ZC3HAV1L: variants seen among roughly 807,000 people sequenced by gnomAD.
The protein encoded by ZC3HAV1L is zinc finger CCCH-type antiviral protein 1-like.
A neutral mutation model predicts 28.2 loss-of-function variants in ZC3HAV1L; 23 were observed. The ratio of observed to expected loss-of-function variants is 0.82; its 90% CI spans 0.59 to 1.16. ZC3HAV1L has a LOEUF of 1.16. Ranked by LOEUF, ZC3HAV1L falls within the 50% of genes most tolerant of loss-of-function variation. ZC3HAV1L has a pLI of 0.00. For synonymous variants in ZC3HAV1L, 180 were observed against 163.4 expected, an observed-to-expected ratio of 1.10 and a Z score of -0.78; for missense variants, 376 against 387.7, an observed-to-expected ratio of 0.97 and a Z score of 0.25.
chr7:139,033,827 C>T, intron 2 of ZC3HAV1L: 1 of 985,468 alleles, frequency 1.0e-6, no homozygotes, highest in Non-Finnish European at 1.2e-6. Context: ...TGGACCCAGC[C>T]TCATAGGTGC....
chr7:139,034,472 G>A, intron 2 of ZC3HAV1L, 71 bp downstream of exon 2: 3 of 1,577,024 alleles, frequency 1.9e-6, no homozygotes, highest in Non-Finnish European at 2.6e-6. Context: ...AATATGTAAA[G>A]CCAAAAGAAA....
chr7:139,028,703 T>C lies in ZC3HAV1L; in HGVS notation c.759A>G (p.Thr253=), dbSNP rs1209547079. 1 of 1,612,944 alleles carries C rather than the reference T, an allele frequency of 6.2e-7. No individual in the cohort carries two copies. Among genetic ancestry groups the C allele is most frequent in the Non-Finnish European group, 8.5e-7 (1 of 1,179,102 alleles). Residue 253 remains threonine (T), a splice_region_variant and synonymous_variant, in exon 3 of 5, where the codon ACA becomes ACG. Coordinates refer to ENST00000275766, the MANE Select transcript of ZC3HAV1L (RefSeq NM_080660.4). ...TCTGTCCTTCTTGGATATTCCTACC[T>C]GTATTTTCAAGCATCTTGTGCAGCT... The part of the protein sequence containing the change: ...HMKLHKMLEN[T]DNSSPSTEHS...
intron 2 of ZC3HAV1L, among the ~76,000 whole-genome samples, chr7:139,032,146 G>A (rs1458647129): frequency 6.6e-6 from 1 of 151,956 alleles, no homozygotes; most frequent in Non-Finnish European, 1.5e-5. Flanking sequence ...ACTTTAATTA[G>A]TATGATAGTG....
rs369571073 is a variant in ZC3HAV1L, at chr7:139,028,947, T to A, written c.515A>T (p.Tyr172Phe). 6.2e-7 allele frequency: 1 copy of A among 1,613,684 alleles called. No individual in the cohort carries two copies. The highest frequency in any genetic ancestry group is 1.1e-5 in the South Asian group (1 of 91,060). ...GCCATACAGGGCTTCCCCTTTGTTG[T>A]AGAGCAAACAGACCTGGTACAGAAA... ...PCLLPEVCLL[Y>F]NKGEALYGYC... Residue 172 changes from tyrosine to phenylalanine, a missense_variant, in exon 3 of 5, where the codon TAC (tyrosine) becomes TTC (phenylalanine). Physicochemically the swap from Tyr to Phe is conservative, Grantham distance 22. Transcript: ENST00000275766.
At chr7:139,028,008 C>T (rs556420662) in intron 3 of ZC3HAV1L, among the ~76,000 whole-genome samples, 88 of 152,286 alleles carry the variant, frequency 5.8e-4, no homozygotes, top group African/African-American at 2.1e-3. Context: ...GACAAGAAAG[C>T]CATCCCTACA....
At chr7:139,032,085 G>A (rs1004978340) in intron 2 of ZC3HAV1L, among the ~76,000 whole-genome samples, 1 of 152,082 alleles carries the variant, frequency 6.6e-6, no homozygotes, top group Admixed American at 6.6e-5. Flanking sequence ...GTGACACAGC[G>A]AGACCATGTC....
intron 1 of ZC3HAV1L, 95 bp downstream of exon 1, chr7:139,035,558 A>T (rs1815682316): frequency 1.5e-6 from 2 of 1,333,658 alleles, no homozygotes; most frequent in Non-Finnish European, 1.9e-6. Context: ...GGCCCGGGGC[A>T]GGACGAAGCC....
At chr7:139,029,840 G>A (rs1815471448) in intron 2 of ZC3HAV1L, among the ~76,000 whole-genome samples, 1 of 152,072 alleles carries the variant, frequency 6.6e-6, no homozygotes, top group African/African-American at 2.4e-5. Context: ...GGCATTTTTA[G>A]GCTGCAAGGG....
chr7:139,027,306 C>G (rs1815384442), intron 3 of ZC3HAV1L, among the ~76,000 whole-genome samples: 1 of 152,158 alleles, frequency 6.6e-6, no homozygotes, highest in African/African-American at 2.4e-5. Flanking sequence ...TTCTAGGTAC[C>G]AGCAAATGTA....
intron 1 of ZC3HAV1L, chr7:139,034,948 G>A: frequency 1.0e-6 from 1 of 985,438 alleles, no homozygotes; most frequent in Non-Finnish European, 1.2e-6. Context: ...CTGTTCCGTA[G>A]GCGACTGCAC....
chr7:139,026,454 T>G lies in ZC3HAV1L; in HGVS notation c.*90A>C, dbSNP rs915034411. 6.4e-6 allele frequency: 10 copies of G among 1,572,176 alleles called. No individual in the cohort carries two copies. In the African/African-American group the frequency reaches 1.3e-4, roughly 21 times the overall value. On this transcript the variant is annotated 3_prime_UTR_variant, in exon 5 of 5. Transcript: ENST00000275766. ...CCCATCTGCACTCAATTTTAGCCTC[T>G]CTTTGCCTGTTCAATGTCCCACCCC...
At position 139,034,588 on chromosome 7, in the gene ZC3HAV1L, C is replaced by T. The variant is rs1393084188; in HGVS notation, c.456G>A (p.Gln152=). The T allele has an allele frequency of 3.7e-6, 6 of 1,613,990 alleles. No homozygotes were observed. The African/African-American group carries it at 6.7e-5, about 18-fold the overall frequency. The part of the protein sequence containing the change: ...SHGLFGLNEN[Q]LRILLLQNDP... ...CATTCTGCAAAAGCAGGATCCGAAG[C>T]TGGTTTTCATTGAGACCAAAAAGTC... The change falls in exon 2 of 5, where the codon CAG becomes CAA. Residue 152 remains glutamine, a synonymous_variant. Coordinates refer to ENST00000275766, the MANE Select transcript of ZC3HAV1L (RefSeq NM_080660.4).
chr7:139,029,594 C>A (rs1815464962), intron 2 of ZC3HAV1L, among the ~76,000 whole-genome samples: 1 of 152,212 alleles, frequency 6.6e-6, no homozygotes, highest in Non-Finnish European at 1.5e-5. Flanking sequence ...TGCCTCAAAG[C>A]TAGACTCAAC....
intron 2 of ZC3HAV1L, among the ~76,000 whole-genome samples, chr7:139,030,894 G>A (rs1815512182): frequency 6.6e-6 from 1 of 152,026 alleles, no homozygotes; most frequent in Non-Finnish European, 1.5e-5. Flanking sequence ...ATCAAAATTT[G>A]AGGGATACAG....
At chr7:139,031,322 T>G (rs1420558797) in intron 2 of ZC3HAV1L, among the ~76,000 whole-genome samples, 1 of 152,186 alleles carries the variant, frequency 6.6e-6, no homozygotes, top group Non-Finnish European at 1.5e-5. Context: ...CAGTGGCTCA[T>G]GCCTGTAATC....
At chr7:139,024,630 A>G (rs1256935109), downstream of ZC3HAV1L, among the ~76,000 whole-genome samples, 1 of 152,236 alleles carries the variant, frequency 6.6e-6, no homozygotes, top group Non-Finnish European at 1.5e-5. Flanking sequence ...AGCTCAACAC[A>G]AGTGGCATGA....
At chr7:139,027,534 T>C (rs1815391001) in intron 3 of ZC3HAV1L, among the ~76,000 whole-genome samples, 1 of 152,096 alleles carries the variant, frequency 6.6e-6, no homozygotes, top group African/African-American at 2.4e-5. Flanking sequence ...AAAAAATAGC[T>C]GGACATGGTG....
chr7:139,028,917 C>T lies in ZC3HAV1L; in HGVS notation c.545G>A (p.Cys182Tyr). 6.2e-7 allele frequency: 1 copy of T among 1,614,166 alleles called. No homozygotes were observed. The highest frequency in any genetic ancestry group is 8.5e-7 in the Non-Finnish European group (1 of 1,180,026). Residue 182 changes from cysteine (C) to tyrosine (Y), a missense_variant, in exon 3 of 5, where the codon TGC becomes TAC. Coordinates refer to ENST00000275766, the MANE Select transcript of ZC3HAV1L (RefSeq NM_080660.4). ...YNKGEALYGY[C>Y]NLKDKCNKFH... is the part of the protein sequence containing the mutation. ...CTTGTTGCATTTATCCTTGAGGTTGCAGTAGCCATACAGGGCTTCCCCTTT... is the reference window on the plus strand; with the variant it reads ...CTTGTTGCATTTATCCTTGAGGTTGTAGTAGCCATACAGGGCTTCCCCTTT...
At position 139,028,733 on chromosome 7, in the gene ZC3HAV1L, A is replaced by G. The variant is rs755110149; in HGVS notation, c.729T>C (p.His243=). 7 of 1,614,102 alleles carry G rather than the reference A, an allele frequency of 4.3e-6. No homozygotes were observed. In the South Asian group the frequency reaches 7.7e-5, roughly 18 times the overall value. ...VNFQIISTYK[H]MKLHKMLENT... ...TTTCAAGCATCTTGTGCAGCTTCAT[A>G]TGCTTGTAGGTGGAGATTATCTGAA... is the stretch of plus-strand genomic sequence containing the variant. Residue 243 remains histidine (H), a synonymous_variant, in exon 3 of 5, where the codon CAT becomes CAC. Transcript: ENST00000275766.
Sources: gnomAD v4.1 joint callset for allele counts (sites outside exome capture counted in the v4.1 genomes callset) on GRCh38, gnomAD v4.1.1 for gene constraint, MANE v1.5 for transcripts, NCBI Gene and HGNC (gene_info 2026-07-23, HGNC 2026-07-21) for gene names.